The following TMEM50B variants were observed in gnomAD, a reference collection of about 807,000 sequenced individuals.
The protein encoded by TMEM50B is transmembrane protein 50B, also known as HCV p7-trans-regulated protein 3.
In TMEM50B, 14 loss-of-function variants were observed where a neutral mutation model predicts 23.4. The ratio of observed to expected loss-of-function variants is 0.60; its 90% CI spans 0.39 to 0.93. TMEM50B has a LOEUF of 0.93. TMEM50B is among the 40% of genes least tolerant of loss of function. TMEM50B has a pLI of 0.00. For missense variants in TMEM50B, 159 were observed against 193.0 expected (o/e 0.82, Z 1.04); for synonymous variants, 64 against 62.3 (o/e 1.03, Z -0.13).
At chr21:33,440,131 C>T (rs188909844) in intron 7 of TMEM50B, among the ~76,000 whole-genome samples, 1 of 152,306 alleles carries the variant, frequency 6.6e-6, no homozygotes, top group African/African-American at 2.4e-5. Flanking sequence ...AGGGCATAAT[C>T]CATAACCTAC....
intron 1 of TMEM50B, chr21:33,478,927 A>G: frequency 2.3e-6 from 1 of 426,936 alleles, no homozygotes; most frequent in South Asian, 1.7e-5. Context: ...ATCCTCCGAA[A>G]AGAGAAAATC....
chr21:33,467,739 G>A (rs1348902324), intron 2 of TMEM50B, among the ~76,000 whole-genome samples: 5 of 152,320 alleles, frequency 3.3e-5, no homozygotes, highest in South Asian at 4.1e-4. Context: ...AGTCAGAGGC[G>A]GAGACTGCAG....
At chr21:33,441,820 G>A (rs1007242430) in intron 7 of TMEM50B, among the ~76,000 whole-genome samples, 1 of 151,998 alleles carries the variant, frequency 6.6e-6, no homozygotes, top group African/African-American at 2.4e-5. Flanking sequence ...TAGTAGAGAT[G>A]GGATTTTGCC....
rs1307096950 is a variant in TMEM50B at position 33,469,183 on chromosome 21, T to C, written c.-41-257A>G. 2.6e-5 allele frequency among the ~76,000 whole-genome samples: 4 copies of C among 152,220 alleles called. No homozygotes were observed. In the East Asian group the frequency reaches 5.8e-4, roughly 22 times the overall value. ...GTCTAGGAGCTAGGTGCCGAGGTGG[T>C]TCACGCCTGTAATTCCAGCACTTTG... On this transcript the variant is annotated intron_variant, in intron 1 of 6. Coordinates refer to ENST00000542230, the MANE Select transcript of TMEM50B (RefSeq NM_006134.7).
intron 1 of TMEM50B, among the ~76,000 whole-genome samples, chr21:33,474,249 C>T (rs541735671): frequency 2.6e-5 from 4 of 152,068 alleles, no homozygotes; most frequent in African/African-American, 9.6e-5. Context: ...GTTGTCCAAG[C>T]TGGTCTTAAA....
chr21:33,432,997 T>A, intron 8 of TMEM50B: 1 of 788,702 alleles, frequency 1.3e-6, no homozygotes, highest in Non-Finnish European at 2.1e-6. Flanking sequence ...GCGATTCTCC[T>A]GCCTCAGCCT....
At position 33,466,044 on chromosome 21, in the gene TMEM50B, G is replaced by A. The variant is rs1433004145; in HGVS notation, c.213-635C>T. On this transcript the variant is annotated intron_variant, in intron 3 of 6. Coordinates refer to ENST00000542230, the MANE Select transcript of TMEM50B (RefSeq NM_006134.7). ...TGAGAGTCCACAGCAGGCAAATCAC[G>A]AGGTCAGGAGTTCAAGACCAGCCTG... Among the ~76,000 whole-genome samples the A allele has an allele frequency of 3.3e-5, 5 of 151,978 alleles. No homozygotes were observed. The South Asian group carries it at 6.2e-4, about 19-fold the overall frequency.
intron 1 of TMEM50B, among the ~76,000 whole-genome samples, chr21:33,478,578 C>T (rs531479065): frequency 4.6e-5 from 7 of 152,206 alleles, no homozygotes; most frequent in African/African-American, 1.7e-4. Flanking sequence ...CTGCTGTAAC[C>T]CTAGTTGACA....
chr21:33,454,665 T>C, intron 6 of TMEM50B, among the ~76,000 whole-genome samples: 1 of 152,118 alleles, frequency 6.6e-6, no homozygotes, highest in East Asian at 1.9e-4. Flanking sequence ...CTGTTGTTGT[T>C]AATTTTTTTT....
chr21:33,454,676 T>G (rs1432438037), intron 6 of TMEM50B, among the ~76,000 whole-genome samples: 2 of 152,148 alleles, frequency 1.3e-5, no homozygotes, highest in Non-Finnish European at 2.9e-5. Flanking sequence ...AATTTTTTTT[T>G]TCCCGAAAGG....
intron 8 of TMEM50B, among the ~76,000 whole-genome samples, chr21:33,434,032 C>T (rs1445292255): frequency 6.6e-6 from 1 of 152,038 alleles, no homozygotes; most frequent in Non-Finnish European, 1.5e-5. Flanking sequence ...GAGTGCCAGG[C>T]CCCGTGTACC....
At chr21:33,442,251 C>T (rs1423589490) in intron 7 of TMEM50B, among the ~76,000 whole-genome samples, 2 of 152,130 alleles carry the variant, frequency 1.3e-5, no homozygotes, top group Admixed American at 1.3e-4. Context: ...CTGCCACTCC[C>T]AGCCTCCCTT....
chr21:33,455,770 G>T lies in TMEM50B; in HGVS notation c.388C>A (p.Pro130Thr), dbSNP rs1317838799. ...TTTTGAAAAAACACAGCTAGTCCCG[G>T]ATAAACATCAGTATCTACATACACA... ...AYVTQNTDVY[P>T]GLAVFFQNAL... is the part of the protein sequence containing the mutation. Residue 130 changes from proline (P) to threonine (T), a missense_variant, in exon 6 of 7, where the codon CCG becomes ACG. Transcript: ENST00000542230. 1 of 1,613,662 alleles carries T rather than the reference G, an allele frequency of 6.2e-7. No homozygotes were observed. Among genetic ancestry groups the T allele is most frequent in the Non-Finnish European group, 8.5e-7 (1 of 1,179,818 alleles).
At position 33,464,049 on chromosome 21, in the gene TMEM50B, G is replaced by T. The variant is rs549463285; in HGVS notation, c.280+1293C>A. Among the ~76,000 whole-genome samples the T allele has an allele frequency of 2.0e-4, 30 of 152,256 alleles. No homozygotes were observed. In the South Asian group the frequency reaches 5.8e-3, roughly 29 times the overall value. On this transcript the variant is annotated intron_variant, in intron 4 of 6. Transcript: ENST00000542230. ...ACAAAGTGACCAAATGGTTCTAGAT[G>T]GGAAACAAGCACAGCATAGTGGCTA...
chr21:33,432,793 C>T, exon 9 of TMEM50B: 1 of 1,613,870 alleles, frequency 6.2e-7, no homozygotes, highest in Non-Finnish European at 8.5e-7. Context: ...GAGCCTGTTT[C>T]TTCCTGGTCC....
chr21:33,435,519 A>G (rs1282477419), intron 8 of TMEM50B, among the ~76,000 whole-genome samples: 1 of 152,186 alleles, frequency 6.6e-6, no homozygotes, highest in Non-Finnish European at 1.5e-5. Flanking sequence ...AACTCTCAGC[A>G]TATTAACATG....
At chr21:33,443,151 G>T (rs955032528) in intron 7 of TMEM50B, among the ~76,000 whole-genome samples, 3 of 152,156 alleles carry the variant, frequency 2.0e-5, no homozygotes, top group Non-Finnish European at 4.4e-5. Flanking sequence ...TTAAAGAGCT[G>T]GTAAGTCCAG....
chr21:33,440,873 T>G (rs2084002488), intron 7 of TMEM50B, among the ~76,000 whole-genome samples: 1 of 151,294 alleles, frequency 6.6e-6, no homozygotes, highest in Non-Finnish European at 1.5e-5. Flanking sequence ...AGAGCAAGAC[T>G]CTGTCTCAAA....
downstream of TMEM50B, among the ~76,000 whole-genome samples, chr21:33,444,817 A>AAAAG (rs1555883260): frequency 1.0e-4 from 15 of 150,604 alleles, no homozygotes; most frequent in Middle Eastern, 6.9e-3. Context: ...AAAAAAAAAA[A>AAAAG]AAAGAAAGAA....
Sources: gnomAD v4.1 joint callset for allele counts (sites outside exome capture counted in the v4.1 genomes callset) on GRCh38, gnomAD v4.1.1 for gene constraint, MANE v1.5 for transcripts, NCBI Gene and HGNC (gene_info 2026-07-23, HGNC 2026-07-21) for gene names.